The following ARID1B variants were observed in gnomAD, a reference collection of about 807,000 sequenced individuals.
The protein encoded by ARID1B is AT-rich interaction domain 1B, also known as AT-rich interactive domain-containing protein 1B.
In ARID1B, 30 loss-of-function variants were observed where a neutral mutation model predicts 212.3. That is an observed-to-expected ratio of 0.14 (90% CI 0.11 to 0.19). The LOEUF (loss-of-function observed/expected upper bound fraction) is 0.19, where lower values mean the gene tolerates loss of function less well. Among genes scored for constraint, ARID1B ranks in the 10% least tolerant of loss-of-function variants. The pLI, the probability that ARID1B is intolerant of heterozygous loss-of-function variation, is 1.00. For synonymous variants in ARID1B, 1,402 were observed against 1,301.7 expected (o/e 1.08, Z -1.66); for missense variants, 2,891 against 3,204.0 (o/e 0.90, Z 2.36).
intron 13 of ARID1B, among the ~76,000 whole-genome samples, chr6:157,187,546 G>C (rs747969377): frequency 1.2e-4 from 18 of 152,130 alleles, no homozygotes; most frequent in African/African-American, 2.2e-4. Flanking sequence ...CACCAGGTTC[G>C]TGCCGGGTAA....
At chr6:157,088,865 C>T (rs80327755) in intron 5 of ARID1B, among the ~76,000 whole-genome samples, 243 of 152,284 alleles carry the variant, frequency 1.6e-3, no homozygotes, top group South Asian at 4.8e-3. Context: ...CATGTAGAGA[C>T]GACATGCTCT....
At chr6:156,850,232 G>A (rs1041077608) in intron 2 of ARID1B, among the ~76,000 whole-genome samples, 24 of 152,042 alleles carry the variant, frequency 1.6e-4, no homozygotes, top group African/African-American at 5.8e-4. Context: ...ATGATAGGAA[G>A]TTTTGAGAAT....
chr6:156,855,362 G>A (rs1330648480), intron 2 of ARID1B, among the ~76,000 whole-genome samples: 3 of 152,228 alleles, frequency 2.0e-5, no homozygotes, highest in Non-Finnish European at 4.4e-5. Flanking sequence ...TTGTGTGCAA[G>A]TGTACCTTCT....
intron 2 of ARID1B, among the ~76,000 whole-genome samples, chr6:156,862,320 C>T (rs1353615689): frequency 6.6e-6 from 1 of 152,128 alleles, no homozygotes; most frequent in African/African-American, 2.4e-5. Flanking sequence ...GGCCCTTGGC[C>T]CTGTGTAAGC....
intron 13 of ARID1B, among the ~76,000 whole-genome samples, chr6:157,188,230 T>G (rs981812425): frequency 3.9e-5 from 6 of 152,076 alleles, no homozygotes; most frequent in Non-Finnish European, 7.4e-5. Flanking sequence ...AAATAAAAAC[T>G]TTTTTAAAAA....
intron 12 of ARID1B, among the ~76,000 whole-genome samples, chr6:157,183,463 A>G (rs2128322735): frequency 6.6e-6 from 1 of 152,326 alleles, no homozygotes; most frequent in Non-Finnish European, 1.5e-5. Context: ...TCCCCAAGTT[A>G]TTTGCAAATC....
At chr6:156,907,778 C>T (rs1055341599) in intron 3 of ARID1B, among the ~76,000 whole-genome samples, 4 of 150,528 alleles carry the variant, frequency 2.7e-5, no homozygotes, top group African/African-American at 4.9e-5. Flanking sequence ...CATGTTGGCA[C>T]ACATCTGTTA....
At chr6:157,022,097 G>C in intron 4 of ARID1B, among the ~76,000 whole-genome samples, 1 of 151,738 alleles carries the variant, frequency 6.6e-6, no homozygotes, top group Non-Finnish European at 1.5e-5. Flanking sequence ...GACGAAGGAC[G>C]CCAGCAGGGC....
rs144833210 is a variant in ARID1B, at chr6:157,188,106, A to G, written c.3920-1536A>G. 4.9e-3 allele frequency among the ~76,000 whole-genome samples: 739 copies of G among 152,222 alleles called. 5 individuals carry two copies. Among genetic ancestry groups the G allele is most frequent in the African/African-American group, 0.017 (697 of 41,540 alleles). ...ACATTTTTCTTTTAAAATACCTACAATAAGTGTCAATCTTCTCTGTATAAC... is the reference window on the plus strand; with the variant it reads ...ACATTTTTCTTTTAAAATACCTACAGTAAGTGTCAATCTTCTCTGTATAAC... On this transcript the variant is annotated intron_variant, in intron 13 of 19. Coordinates refer to ENST00000636930, the MANE Select transcript of ARID1B (RefSeq NM_001374828.1).
At chr6:156,867,644 A>G (rs779552407) in intron 2 of ARID1B, among the ~76,000 whole-genome samples, 1 of 152,210 alleles carries the variant, frequency 6.6e-6, no homozygotes, top group South Asian at 2.1e-4. Context: ...TTTTAAAATA[A>G]CTTTGAAGAT....
chr6:156,779,620 C>G (rs1159396405), intron 1 of ARID1B, 149 bp downstream of exon 1: 18 of 836,416 alleles, frequency 2.2e-5, no homozygotes, highest in Non-Finnish European at 2.6e-5. Context: ...GGGCGGCCGC[C>G]TCCCGCCGCG....
At chr6:156,883,367 A>C (rs766332000) in intron 2 of ARID1B, among the ~76,000 whole-genome samples, 4 of 152,158 alleles carry the variant, frequency 2.6e-5, no homozygotes, top group Non-Finnish European at 5.9e-5. Flanking sequence ...GTGATCTGAG[A>C]GCTCCCACAG....
At chr6:156,776,425 A>C (rs1027343413), upstream of ARID1B, 6 of 152,224 alleles carry the variant, frequency 3.9e-5, no homozygotes, top group African/African-American at 1.4e-4. Flanking sequence ...ATAATATTTT[A>C]GTTTCGTTCC....
intron 17 of ARID1B, among the ~76,000 whole-genome samples, chr6:157,199,821 G>A (rs1015138668): frequency 5.3e-5 from 8 of 151,872 alleles, no homozygotes; most frequent in Middle Eastern, 6.8e-3. Flanking sequence ...CCGCCACCAT[G>A]CCCAGCTAAT....
At chr6:156,842,268 C>G (rs1241147814) in intron 2 of ARID1B, among the ~76,000 whole-genome samples, 1 of 152,216 alleles carries the variant, frequency 6.6e-6, no homozygotes, top group Non-Finnish European at 1.5e-5. Context: ...TACGTAGTTA[C>G]TCTCTGTTGT....
chr6:156,954,984 G>A (rs572065321), intron 4 of ARID1B, among the ~76,000 whole-genome samples: 51 of 152,346 alleles, frequency 3.3e-4, no homozygotes, highest in Non-Finnish European at 5.7e-4. Flanking sequence ...GGACCGTCAC[G>A]CTGCCGTGTA....
At chr6:157,040,312 C>T (rs1053254443) in intron 4 of ARID1B, among the ~76,000 whole-genome samples, 2 of 152,162 alleles carry the variant, frequency 1.3e-5, no homozygotes, top group Non-Finnish European at 2.9e-5. Context: ...GGTGTTTCTT[C>T]CTGTTTTTGT....
At chr6:157,053,104 G>A (rs1197827083) in intron 4 of ARID1B, among the ~76,000 whole-genome samples, 1 of 149,746 alleles carries the variant, frequency 6.7e-6, no homozygotes, top group East Asian at 2.0e-4. Context: ...GATTGATTTA[G>A]GGACGGAGTC....
chr6:156,796,178 C>A (rs1780361336), intron 1 of ARID1B, among the ~76,000 whole-genome samples: 1 of 152,110 alleles, frequency 6.6e-6, no homozygotes, highest in Admixed American at 6.5e-5. Context: ...TCTCTTGTTT[C>A]CTATTTCATA....
Sources: allele counts gnomAD v4.1 joint callset (sites outside exome capture counted in the v4.1 genomes callset), GRCh38; gene constraint gnomAD v4.1.1; transcripts MANE v1.5; gene names NCBI Gene and HGNC (gene_info 2026-07-23, HGNC 2026-07-21).